The following ZNF638 variants were observed in gnomAD, a reference collection of about 807,000 sequenced individuals.
ZNF638 encodes the protein CTCL tumor antigen se33-1.
ZNF638 carries 46 observed loss-of-function variants against 195.6 expected under a neutral mutation model. The observed-to-expected ratio is 0.24, with a 90% CI of 0.19 to 0.30. ZNF638 has a LOEUF of 0.30. ZNF638 is among the 10% of genes least tolerant of loss of function. The pLI is 1.00. For missense variants in ZNF638, 2,440 were observed against 2,325.3 expected, an observed-to-expected ratio of 1.05 and a Z score of -1.01; for synonymous variants, 845 against 772.0, an observed-to-expected ratio of 1.09 and a Z score of -1.57.
At chr2:71,363,077 A>G (rs554697264) in intron 3 of ZNF638, 76 bp from the exon 4 acceptor site, 52 of 1,031,242 alleles carry the variant, frequency 5.0e-5, no homozygotes, top group African/African-American at 4.4e-4. Flanking sequence ...TCCTTTTGAT[A>G]TATTACAGGT....
In ZNF638 at chr2:71,363,208, G is replaced by A; in HGVS notation, c.1418+17G>A. On this transcript the variant is annotated intron_variant, in intron 4 of 27. Transcript: ENST00000264447. ...ATCGAGAAGGTAATTTTTAAAAATA[G>A]TAATATTATTAAAACCTGATTGTCT... The A allele has an allele frequency of 6.5e-7, 1 of 1,534,636 alleles. No individual in the cohort carries two copies.
At chr2:71,378,237 T>A (rs1032643412) in intron 8 of ZNF638, among the ~76,000 whole-genome samples, 1 of 152,232 alleles carries the variant, frequency 6.6e-6, no homozygotes. Context: ...AAAATTGGAA[T>A]GTAGCCAAGG....
chr2:71,398,793 A>G, intron 12 of ZNF638, 21 bp downstream of exon 12: 2 of 1,574,268 alleles, frequency 1.3e-6, no homozygotes, highest in Non-Finnish European at 1.7e-6. Context: ...TGGGGAGGAG[A>G]GATTTTATTG....
intron 7 of ZNF638, among the ~76,000 whole-genome samples, chr2:71,369,138 C>T (rs1282759226): frequency 6.7e-6 from 1 of 150,332 alleles, no homozygotes; most frequent in Non-Finnish European, 1.5e-5. Flanking sequence ...AGTTTGAGAC[C>T]AGCCCGACCA....
rs544694977 is a variant in ZNF638 at position 71,356,795 on chromosome 2, T to A, written c.1379+1015T>A. ...CAGCCTGTTTCAAAAAAAAAAAAAA[T>A]TTTTTTTTTTTAAGTAAGAATTTGT... On this transcript the variant is annotated intron_variant, in intron 3 of 27. Transcript: ENST00000264447. Among the ~76,000 whole-genome samples, 13 of 144,790 alleles carry A rather than the reference T, an allele frequency of 9.0e-5. 1 individual carries two copies. The South Asian group carries it at 1.1e-3, about 12-fold the overall frequency. The allele number at this position is 144,790 out of a possible 152,430, so 95.0% of individuals were successfully genotyped here.
chr2:71,348,455 T>G (rs1224914397), intron 1 of ZNF638: 1 of 1,017,428 alleles, frequency 9.8e-7, no homozygotes, highest in Non-Finnish European at 1.2e-6. Context: ...ATTCCCAGTA[T>G]TTTTCAAGAT....
At chr2:71,402,170 A>G in intron 16 of ZNF638, 83 bp downstream of exon 16, 1 of 1,416,322 alleles carries the variant, frequency 7.1e-7, no homozygotes, top group Non-Finnish European at 9.5e-7. Flanking sequence ...CTAAAAAGAA[A>G]AGGTTTAAAA....
chr2:71,350,126 C>A lies in ZNF638; in HGVS notation c.1172C>A (p.Ser391Tyr). The A allele has an allele frequency of 6.2e-7, 1 of 1,614,032 alleles. No individual in the cohort carries two copies. Residue 391 changes from serine to tyrosine, a missense_variant, in exon 2 of 28, where the codon TCC becomes TAC. Physicochemically the swap from Ser to Tyr is moderately radical, Grantham distance 144. Coordinates refer to ENST00000264447, the MANE Select transcript of ZNF638 (RefSeq NM_014497.5). The stretch of plus-strand genomic sequence containing the variant: ...TCTCCCTTTGGTATTGTGAAAGCAT[C>A]CTGGCTACCAAAGTTTTCACATGCT... ...IRSPFGIVKASWLPKFSHADA... is the reference protein window; with the variant it reads ...IRSPFGIVKAYWLPKFSHADA...
intron 22 of ZNF638, 38 bp from the exon 23 acceptor site, chr2:71,424,612 A>G: frequency 6.5e-7 from 1 of 1,528,336 alleles, no homozygotes; most frequent in Non-Finnish European, 8.9e-7. Flanking sequence ...ATATGGTTGT[A>G]AATTCCGTTT....
In ZNF638 at chr2:71,426,688, G is replaced by A. The variant is rs758032895; in HGVS notation, c.4819G>A (p.Glu1607Lys). 48 of 1,614,108 alleles carry A rather than the reference G, an allele frequency of 3.0e-5. No homozygotes were observed. Among genetic ancestry groups the A allele is most frequent in the Non-Finnish European group, 3.4e-5 (40 of 1,180,044 alleles). The change falls in exon 24 of 28, where the codon GAG becomes AAG. Residue 1607 changes from glutamate (E) to lysine (K), a missense_variant. Glu to Lys is a moderately conservative substitution (Grantham distance 56). This residue lies in a region of ZNF638 where 1,883 missense variants were observed against 1,739.1 expected (regional missense o/e 1.08). Transcript: ENST00000264447. Reference sequence around the variant, plus strand: ...TGTGACATTGGATGAGATTGGGGAAGAGGAAGATGCAGCTGCACATCTAGC... The same window carrying A: ...TGTGACATTGGATGAGATTGGGGAAAAGGAAGATGCAGCTGCACATCTAGC... ...SFVTLDEIGE[E>K]EDAAAHLAQA...
intron 1 of ZNF638, 88 bp downstream of exon 1, chr2:71,331,963 C>G: frequency 1.0e-6 from 1 of 977,816 alleles, no homozygotes; most frequent in Non-Finnish European, 1.2e-6. Context: ...GAGATCCGGG[C>G]CGACTATTGT....
At position 71,422,977 on chromosome 2, in the gene ZNF638, A is replaced by G; in HGVS notation, c.3463A>G (p.Thr1155Ala). The change falls in exon 22 of 28, where the codon ACA (threonine) becomes GCA (alanine). Residue 1155 changes from threonine (T) to alanine (A), a missense_variant. Transcript: ENST00000264447. ...EPCEEEAEKA[T>A]CDSDFAVETL... ...TTGTGAGGAAGAAGCTGAAAAAGCA[A>G]CATGTGATTCTGACTTTGCTGTTGA... The G allele has an allele frequency of 1.2e-6, 2 of 1,614,158 alleles. No individual in the cohort carries two copies. Among genetic ancestry groups the G allele is most frequent in the Non-Finnish European group, 1.7e-6 (2 of 1,179,982 alleles).
rs1259152789 is a variant in ZNF638, at chr2:71,406,391, A to G, written c.3135+129A>G. On this transcript the variant is annotated intron_variant, in intron 19 of 27. Transcript: ENST00000264447. ...TACTCAACCACTTCGCAGAATTATT[A>G]TAAACCAGAATATTTTATTTTGGAC... 5 of 781,118 alleles carry G rather than the reference A, an allele frequency of 6.4e-6. No homozygotes were observed. In the East Asian group the frequency reaches 1.1e-4, roughly 17 times the overall value. The allele number at this position is 781,118 out of a possible 1,614,324, so 48.4% of individuals were successfully genotyped here.
intron 1 of ZNF638, among the ~76,000 whole-genome samples, chr2:71,335,116 G>A (rs1390156586): frequency 1.3e-5 from 2 of 152,106 alleles, no homozygotes; most frequent in South Asian, 2.1e-4. Flanking sequence ...GGTTCCCTGC[G>A]GCCTCTACCT....
chr2:71,365,255 A>G (rs766804520), intron 5 of ZNF638, among the ~76,000 whole-genome samples, 174 bp from the exon 6 acceptor site: 7 of 152,172 alleles, frequency 4.6e-5, no homozygotes, highest in African/African-American at 7.2e-5. Flanking sequence ...GATCACTGGT[A>G]TAAGGGAATA....
At chr2:71,350,798 A>G (rs547591818) in intron 2 of ZNF638, among the ~76,000 whole-genome samples, 49 of 152,338 alleles carry the variant, frequency 3.2e-4, no homozygotes, top group African/African-American at 1.1e-3. Context: ...GAAGCTTTCT[A>G]AAATAACTTC....
chr2:71,363,299 A>C, intron 4 of ZNF638, 108 bp downstream of exon 4: 1 of 831,306 alleles, frequency 1.2e-6, no homozygotes, highest in East Asian at 2.7e-5. Flanking sequence ...CATTTAAACA[A>C]CAGGCAAATG....
chr2:71,404,921 A>G (rs1386244234), intron 17 of ZNF638, among the ~76,000 whole-genome samples: 1 of 152,210 alleles, frequency 6.6e-6, no homozygotes, highest in African/African-American at 2.4e-5. Flanking sequence ...TATGCATCAC[A>G]TGAGGTAGAA....
rs113479982 is a variant in ZNF638 at position 71,350,000 on chromosome 2, A to T, written c.1046A>T (p.Glu349Val). The change falls in exon 2 of 28, where the codon GAG (glutamate) becomes GTG (valine). Residue 349 changes from glutamate (E) to valine (V), a missense_variant. Glu to Val is a moderately radical substitution (Grantham distance 121). Coordinates refer to ENST00000264447, the MANE Select transcript of ZNF638 (RefSeq NM_014497.5). ...TTAATTTCATCTGTAAGCCAGCAAGAGCGGATCCCACATGAACCTGTGATT... is the reference window on the plus strand; with the variant it reads ...TTAATTTCATCTGTAAGCCAGCAAGTGCGGATCCCACATGAACCTGTGATT... ...SELISSVSQQ[E>V]RIPHEPVINS... 6.2e-7 allele frequency: 1 copy of T among 1,614,208 alleles called. No homozygotes were observed. The highest frequency in any genetic ancestry group is 1.3e-5 in the African/African-American group (1 of 75,056).
Sources: allele counts gnomAD v4.1 joint callset (sites outside exome capture counted in the v4.1 genomes callset), GRCh38; gene constraint gnomAD v4.1.1; regional missense constraint gnomAD v4.1.1; transcripts MANE v1.5; gene names NCBI Gene and HGNC (gene_info 2026-07-23, HGNC 2026-07-21).